The following GASK1A variants were observed in gnomAD, a reference collection of about 807,000 sequenced individuals.
GASK1A encodes the protein golgi associated kinase 1A, also known as Golgi-associated kinase 1A.
A neutral mutation model predicts 41.2 loss-of-function variants in GASK1A; 40 were observed. The observed-to-expected ratio is 0.97, with a 90% confidence interval of 0.75 to 1.27. The LOEUF (loss-of-function observed/expected upper bound fraction) is 1.27, where lower values mean the gene tolerates loss of function less well. Among genes scored for constraint, GASK1A ranks in the 50% most tolerant of loss-of-function variants. The pLI is 0.00. For missense variants in GASK1A, 678 were observed against 745.1 expected, an observed-to-expected ratio of 0.91 and a Z score of 1.05; for synonymous variants, 316 against 307.1, an observed-to-expected ratio of 1.03 and a Z score of -0.30.
At chr3:43,019,727 A>T (rs1021917946) in intron 1 of GASK1A, among the ~76,000 whole-genome samples, 1 of 150,340 alleles carries the variant, frequency 6.7e-6, no homozygotes. Context: ...TTTAGTGATG[A>T]CTCCAGAGTT....
At chr3:43,036,679 A>G (rs2089606326) in intron 2 of GASK1A, among the ~76,000 whole-genome samples, 1 of 152,176 alleles carries the variant, frequency 6.6e-6, no homozygotes, top group Non-Finnish European at 1.5e-5. Flanking sequence ...GGTCAATTGG[A>G]TTCAACTGAG....
intron 1 of GASK1A, among the ~76,000 whole-genome samples, chr3:42,989,610 C>CTTTT (rs1230496622): frequency 4.0e-4 from 1 of 2,480 alleles, no homozygotes; most frequent in African/African-American, 4.7e-4. Flanking sequence ...TACCTGCTTT[C>CTTTT]TTTTTTTTTT....
intron 1 of GASK1A, among the ~76,000 whole-genome samples, chr3:43,014,037 C>T (rs943392573): frequency 1.3e-5 from 2 of 148,422 alleles, no homozygotes; most frequent in Non-Finnish European, 3.0e-5. Context: ...AGTGTGAAGT[C>T]ACAGGAAGAG....
chr3:43,032,617 G>A lies in GASK1A; in HGVS notation c.354G>A (p.Val118=). ...GGGACCTCAGGCATCCAGGGAGGGT[G>A]AGGAGGGACATTACTTTGTCAGGAC... The part of the protein sequence containing the change: ...PGGDLRHPGR[V]RRDITLSGHP... Residue 118 remains valine, a synonymous_variant, in exon 2 of 5, where the codon GTG becomes GTA. Coordinates refer to ENST00000430121, the MANE Select transcript of GASK1A (RefSeq NM_001129908.3). 1.9e-6 allele frequency: 3 copies of A among 1,551,712 alleles called. No individual in the cohort carries two copies. Among genetic ancestry groups the A allele is most frequent in the East Asian group, 2.4e-5 (1 of 40,914 alleles).
chr3:43,052,603 G>A (rs1559408518), intron 2 of GASK1A, among the ~76,000 whole-genome samples: 4 of 152,102 alleles, frequency 2.6e-5, no homozygotes, highest in Non-Finnish European at 2.9e-5. Flanking sequence ...AGCCGCCCTC[G>A]CTTCATCTTT....
At chr3:42,999,189 C>T (rs2089393258) in intron 1 of GASK1A, among the ~76,000 whole-genome samples, 1 of 152,128 alleles carries the variant, frequency 6.6e-6, no homozygotes, top group Admixed American at 6.5e-5. Flanking sequence ...ATGGAACTGT[C>T]CCCCTTCTTG....
chr3:43,038,533 C>G (rs2089616143), intron 2 of GASK1A, among the ~76,000 whole-genome samples: 1 of 150,948 alleles, frequency 6.6e-6, no homozygotes, highest in Non-Finnish European at 1.5e-5. Flanking sequence ...CATTATTGTT[C>G]TTTGTTGCTG....
intron 2 of GASK1A, among the ~76,000 whole-genome samples, chr3:43,040,549 T>C (rs531351022): frequency 6.6e-6 from 1 of 152,194 alleles, no homozygotes; most frequent in East Asian, 1.9e-4. Context: ...TAGAGAGCAT[T>C]TACACCCTGA....
In GASK1A at chr3:43,033,069, T is replaced by C; in HGVS notation, c.806T>C (p.Leu269Pro). 1 of 1,551,704 alleles carries C rather than the reference T, an allele frequency of 6.4e-7. No individual in the cohort carries two copies. The highest frequency in any genetic ancestry group is 8.7e-7 in the Non-Finnish European group (1 of 1,146,988). The change falls in exon 2 of 5, where the codon CTC (leucine) becomes CCC (proline). Residue 269 changes from leucine to proline, a missense_variant. Coordinates refer to ENST00000430121, the MANE Select transcript of GASK1A (RefSeq NM_001129908.3). ...PWLTDHDVQMLRLLAQGEVVD... is the reference protein window; with the variant it reads ...PWLTDHDVQMPRLLAQGEVVD... The stretch of plus-strand genomic sequence containing the variant: ...CTGACAGACCACGATGTGCAGATGC[T>C]CCGTCTGTTGGCACAGGGGGAGGTG...
At position 43,032,774 on chromosome 3, in the gene GASK1A, G is replaced by T; in HGVS notation, c.511G>T (p.Val171Phe). The change falls in exon 2 of 5, where the codon GTC becomes TTC. Residue 171 changes from valine to phenylalanine, a missense_variant. Transcript: ENST00000430121. ...GACACAGAGTGAGGTGGTCACCCTGGTCAGTCCACTCCCAGGGAGTGACAT... is the reference window on the plus strand; with the variant it reads ...GACACAGAGTGAGGTGGTCACCCTGTTCAGTCCACTCCCAGGGAGTGACAT... The part of the protein sequence containing the change: ...QETQSEVVTL[V>F]SPLPGSDMAA... The T allele has an allele frequency of 6.4e-7, 1 of 1,551,052 alleles. No individual in the cohort carries two copies. The highest frequency in any genetic ancestry group is 8.7e-7 in the Non-Finnish European group (1 of 1,146,986).
At chr3:43,019,206 C>T (rs1292044860) in intron 1 of GASK1A, among the ~76,000 whole-genome samples, 1 of 152,148 alleles carries the variant, frequency 6.6e-6, no homozygotes, top group Non-Finnish European at 1.5e-5. Context: ...GGCAAAAGTC[C>T]GCTCTTGTCT....
chr3:43,016,295 G>A (rs746236603), intron 1 of GASK1A, among the ~76,000 whole-genome samples: 2 of 151,878 alleles, frequency 1.3e-5, no homozygotes, highest in Admixed American at 6.6e-5. Context: ...AACAGGCTGT[G>A]TGAAGCCATA....
At chr3:43,005,140 G>C (rs1284969233) in intron 1 of GASK1A, among the ~76,000 whole-genome samples, 1 of 152,036 alleles carries the variant, frequency 6.6e-6, no homozygotes, top group Non-Finnish European at 1.5e-5. Context: ...ATTACATCGG[G>C]CCCATCAGAT....
At chr3:43,046,645 T>C (rs969037952) in intron 2 of GASK1A, among the ~76,000 whole-genome samples, 1 of 152,196 alleles carries the variant, frequency 6.6e-6, no homozygotes, top group Non-Finnish European at 1.5e-5. Context: ...GCTTAAGTAA[T>C]GAGGAGCCAA....
At chr3:42,981,517 T>A (rs1237904592) in intron 1 of GASK1A, among the ~76,000 whole-genome samples, 1 of 152,212 alleles carries the variant, frequency 6.6e-6, no homozygotes, top group Non-Finnish European at 1.5e-5. Context: ...AGTGTTGAGC[T>A]GTGCTTAGCA....
At chr3:43,010,003 A>G (rs990271693) in intron 1 of GASK1A, among the ~76,000 whole-genome samples, 7 of 152,190 alleles carry the variant, frequency 4.6e-5, no homozygotes, top group African/African-American at 1.7e-4. Flanking sequence ...GAAGGATAAA[A>G]TTGTAATGCA....
intron 1 of GASK1A, among the ~76,000 whole-genome samples, chr3:43,023,348 C>T (rs1053660316): frequency 5.3e-5 from 8 of 152,126 alleles, no homozygotes; most frequent in South Asian, 4.1e-4. Context: ...GATTTTGACC[C>T]GGTGAAACTG....
At chr3:43,013,553 A>G (rs1385578823) in intron 1 of GASK1A, among the ~76,000 whole-genome samples, 1 of 151,672 alleles carries the variant, frequency 6.6e-6, no homozygotes, top group African/African-American at 2.4e-5. Flanking sequence ...GGCATTGTGA[A>G]GCCACAGGGA....
intron 2 of GASK1A, among the ~76,000 whole-genome samples, chr3:43,037,611 A>T (rs1365574445): frequency 9.5e-6 from 1 of 104,726 alleles, no homozygotes; most frequent in Non-Finnish European, 2.3e-5. Context: ...GATTTAAATG[A>T]TACATTTTTA....
Sources: allele counts gnomAD v4.1 joint callset (sites outside exome capture counted in the v4.1 genomes callset), GRCh38; gene constraint gnomAD v4.1.1; transcripts MANE v1.5; gene names NCBI Gene and HGNC (gene_info 2026-07-23, HGNC 2026-07-21).